NCEH1: variants seen among roughly 807,000 people sequenced by gnomAD.
NCEH1 encodes 2-acetyl MAGE hydrolase.
NCEH1 carries 9 observed loss-of-function variants against 25.4 expected under a neutral mutation model. That is an observed-to-expected ratio of 0.35 (90% CI 0.21 to 0.62). NCEH1 has a LOEUF of 0.62. NCEH1 is among the 20% of genes least tolerant of loss of function. The pLI is 0.72. For synonymous variants in NCEH1, 200 were observed against 199.8 expected (o/e 1.00, Z -0.01); for missense variants, 412 against 501.1 (o/e 0.82, Z 1.70).
intron 1 of NCEH1, among the ~76,000 whole-genome samples, chr3:172,671,984 T>C (rs1243433396): frequency 1.3e-5 from 2 of 152,212 alleles, no homozygotes; most frequent in African/African-American, 2.4e-5. Flanking sequence ...CAGTAATGCA[T>C]AGTAATGTCC....
chr3:172,636,768 T>C (rs554751094), intron 3 of NCEH1, among the ~76,000 whole-genome samples: 15 of 152,352 alleles, frequency 9.8e-5, no homozygotes, highest in Admixed American at 2.6e-4. Flanking sequence ...TTTGGAATCC[T>C]ACTCTGTACA....
intron 2 of NCEH1, 111 bp from the exon 3 acceptor site, chr3:172,645,803 A>C (rs1717092958): frequency 3.5e-6 from 2 of 570,620 alleles, no homozygotes; most frequent in South Asian, 7.5e-5. Flanking sequence ...TACTAAAAAC[A>C]AATAATAAAA....
chr3:172,634,532 C>T (rs1251285227), intron 4 of NCEH1, among the ~76,000 whole-genome samples: 1 of 152,144 alleles, frequency 6.6e-6, no homozygotes, highest in Non-Finnish European at 1.5e-5. Context: ...TATGAGACTC[C>T]TGAGTGTTTA....
At chr3:172,689,580 C>G (rs1052771385) in intron 1 of NCEH1, among the ~76,000 whole-genome samples, 4 of 139,690 alleles carry the variant, frequency 2.9e-5, no homozygotes, top group African/African-American at 5.3e-5. Context: ...CGTGATGGCA[C>G]GAGCCTGTAA....
intron 1 of NCEH1, among the ~76,000 whole-genome samples, chr3:172,653,649 A>G (rs1228815585): frequency 6.6e-6 from 1 of 152,048 alleles, no homozygotes; most frequent in Non-Finnish European, 1.5e-5. Context: ...ATGATGTCCC[A>G]TCATAGGTAT....
Position 172,667,988 on chromosome 3 carries a change from TC to T in NCEH1, c.139-19875del, listed in dbSNP as rs375388368. Among the ~76,000 whole-genome samples, 12 of 152,266 alleles carry T rather than the reference TC, an allele frequency of 7.9e-5. No homozygotes were observed. The East Asian group carries it at 2.3e-3, about 29-fold the overall frequency. On this transcript the variant is annotated intron_variant, in intron 1 of 4. Transcript: ENST00000475381. Reference sequence around the variant, plus strand: ...CCCCTTATTTGGGCCCCCTTCAAGTTCCCGTCTCATAACAAAACCTTAGGCA... The same window carrying T: ...CCCCTTATTTGGGCCCCCTTCAAGTTCCGTCTCATAACAAAACCTTAGGCA...
rs1223724941 is a variant in NCEH1, at chr3:172,683,123, GCCGGGCGCGGTGGCTCACGCCTGT to G, written c.138+27700_138+27723del. Among the ~76,000 whole-genome samples, 20 of 64,516 alleles carry G rather than the reference GCCGGGCGCGGTGGCTCACGCCTGT, an allele frequency of 3.1e-4. 1 individual carries two copies. Among genetic ancestry groups the G allele is most frequent in the African/African-American group, 3.6e-4 (5 of 13,744 alleles). 42.3% of individuals were successfully genotyped at this position (64,516 alleles called of 152,430 possible). On this transcript the variant is annotated intron_variant, in intron 1 of 4. Transcript: ENST00000475381. ...CAGTGCTTTAAGAAGCGGAGGCAGGGCCGGGCGCGGTGGCTCACGCCTGTAATCCCAGCACTTTGGGAGGCCGAG... is the reference window on the plus strand; with the variant it reads ...CAGTGCTTTAAGAAGCGGAGGCAGGGAATCCCAGCACTTTGGGAGGCCGAG...
intron 1 of NCEH1, among the ~76,000 whole-genome samples, chr3:172,679,899 G>GT (rs1354675298): frequency 1.3e-5 from 2 of 152,088 alleles, no homozygotes; most frequent in Admixed American, 1.3e-4. Context: ...GGAGGGCCAG[G>GT]TTTTTTGCAG....
intron 3 of NCEH1, among the ~76,000 whole-genome samples, chr3:172,640,542 C>T: frequency 6.6e-6 from 1 of 152,182 alleles, no homozygotes; most frequent in African/African-American, 2.4e-5. Flanking sequence ...GAGTCTCGCT[C>T]TGTCGCCCAG....
At chr3:172,658,714 G>A (rs952367606) in intron 1 of NCEH1, among the ~76,000 whole-genome samples, 2 of 151,870 alleles carry the variant, frequency 1.3e-5, no homozygotes, top group East Asian at 1.9e-4. Flanking sequence ...GCTCACAGAC[G>A]GATTTAACAC....
At chr3:172,680,480 T>C (rs73040898) in intron 1 of NCEH1, among the ~76,000 whole-genome samples, 2,857 of 152,238 alleles carry the variant, frequency 0.019, 81 homozygotes, top group African/African-American at 0.064. Flanking sequence ...GTGTGCAACT[T>C]CCCTGTAAAC....
chr3:172,656,296 A>G (rs993398541), intron 1 of NCEH1, among the ~76,000 whole-genome samples: 2 of 152,182 alleles, frequency 1.3e-5, no homozygotes, highest in African/African-American at 4.8e-5. Flanking sequence ...ACAGAAGTAA[A>G]AGGAATTGAG....
chr3:172,657,169 T>C (rs1717735130), intron 1 of NCEH1, among the ~76,000 whole-genome samples: 1 of 152,222 alleles, frequency 6.6e-6, no homozygotes, highest in East Asian at 1.9e-4. Flanking sequence ...CAATGTACTA[T>C]CATGGCAAAT....
At chr3:172,635,534 G>T (rs1466625654) in intron 4 of NCEH1, among the ~76,000 whole-genome samples, 1 of 151,964 alleles carries the variant, frequency 6.6e-6, no homozygotes, top group Non-Finnish European at 1.5e-5. Flanking sequence ...TTTTAATTTG[G>T]CTCAAAGTTG....
chr3:172,636,521 C>A (rs1716604079), intron 3 of NCEH1, among the ~76,000 whole-genome samples: 1 of 152,228 alleles, frequency 6.6e-6, no homozygotes, highest in Non-Finnish European at 1.5e-5. Context: ...CTTCATTGAT[C>A]TCACATTTAA....
rs186144387 is a variant in NCEH1, at chr3:172,694,604, C to T, written c.138+16243G>A. Among the ~76,000 whole-genome samples the T allele has an allele frequency of 7.2e-5, 11 of 152,296 alleles. No individual in the cohort carries two copies. The East Asian group carries it at 9.6e-4, about 13-fold the overall frequency. Reference sequence around the variant, plus strand: ...TGACATCACTCCAACAGACAGGTTACGGGTTGAGACTTTGAATGGAAAGGC... The same window carrying T: ...TGACATCACTCCAACAGACAGGTTATGGGTTGAGACTTTGAATGGAAAGGC... On this transcript the variant is annotated intron_variant, in intron 1 of 4. Transcript: ENST00000475381.
intron 1 of NCEH1, among the ~76,000 whole-genome samples, chr3:172,680,322 CCT>C (rs1434500965): frequency 6.6e-6 from 1 of 152,164 alleles, no homozygotes; most frequent in Non-Finnish European, 1.5e-5. Context: ...CAGCTGGTGG[CCT>C]CTCTCAGGCT....
chr3:172,669,227 G>C (rs1718370178), intron 1 of NCEH1, among the ~76,000 whole-genome samples: 1 of 152,186 alleles, frequency 6.6e-6, no homozygotes, highest in African/African-American at 2.4e-5. Flanking sequence ...GTTCGTGTGG[G>C]CAGGGCAACA....
intron 1 of NCEH1, among the ~76,000 whole-genome samples, chr3:172,657,181 G>A (rs973618009): frequency 1.3e-5 from 2 of 152,106 alleles, no homozygotes; most frequent in South Asian, 4.1e-4. Flanking sequence ...ATGGCAAATA[G>A]GAAGTATTTA....
Sources: gnomAD v4.1 joint callset for allele counts (sites outside exome capture counted in the v4.1 genomes callset) on GRCh38, gnomAD v4.1.1 for gene constraint, MANE v1.5 for transcripts, NCBI Gene and HGNC (gene_info 2026-07-23, HGNC 2026-07-21) for gene names.